AK5: variants seen among roughly 807,000 people sequenced by gnomAD.
AK5 encodes adenylate kinase 5, also known as adenylate kinase isoenzyme 5.
A neutral mutation model predicts 69.5 loss-of-function variants in AK5; 27 were observed. The observed-to-expected ratio is 0.39, with a 90% CI of 0.29 to 0.54. The LOEUF is 0.54. AK5 is among the 20% of genes least tolerant of loss of function. The pLI is 0.71. For missense variants in AK5, 531 were observed against 700.4 expected (o/e 0.76, Z 2.73); for synonymous variants, 260 against 244.4 (o/e 1.06, Z -0.60).
intron 12 of AK5, among the ~76,000 whole-genome samples, chr1:77,527,568 T>G (rs977740746): frequency 2.0e-5 from 3 of 152,238 alleles, no homozygotes; most frequent in African/African-American, 7.2e-5. Context: ...ACACATTTCA[T>G]TACTGAGCAT....
At chr1:77,322,437 G>A (rs1361886677) in intron 5 of AK5, among the ~76,000 whole-genome samples, 2 of 152,078 alleles carry the variant, frequency 1.3e-5, no homozygotes, top group Non-Finnish European at 2.9e-5. Context: ...TCCCTCTGGG[G>A]GTTGCTGAGT....
At chr1:77,480,989 C>T (rs1655219793) in intron 8 of AK5, among the ~76,000 whole-genome samples, 1 of 152,196 alleles carries the variant, frequency 6.6e-6, no homozygotes, top group Non-Finnish European at 1.5e-5. Flanking sequence ...ATCCTAACTT[C>T]AGCCTGAGAC....
At chr1:77,319,094 G>T (rs570458052) in intron 5 of AK5, among the ~76,000 whole-genome samples, 32 of 152,278 alleles carry the variant, frequency 2.1e-4, no homozygotes, top group Non-Finnish European at 4.6e-4. Context: ...CAAGGAGGAG[G>T]AGTAGTTACT....
At position 77,513,072 on chromosome 1, in the gene AK5, G is replaced by A. The variant is rs551449720; in HGVS notation, c.1148-5492G>A. ...ACGTGACTAGTAAGTGGTGGAACCA[G>A]TGTTGATTGTCAGATCACCCATCCC... is the stretch of plus-strand genomic sequence containing the variant. On this transcript the variant is annotated intron_variant, in intron 10 of 13. Coordinates refer to ENST00000354567, the MANE Select transcript of AK5 (RefSeq NM_174858.3). Among the ~76,000 whole-genome samples, 64 of 152,322 alleles carry A rather than the reference G, an allele frequency of 4.2e-4. 1 individual carries two copies. In the South Asian group the frequency reaches 0.013, roughly 31 times the overall value.
chr1:77,552,041 A>G (rs907081053), intron 13 of AK5, among the ~76,000 whole-genome samples: 1 of 152,170 alleles, frequency 6.6e-6, no homozygotes, highest in African/African-American at 2.4e-5. Context: ...ACCCAGTTTT[A>G]GCAAAGAACT....
At chr1:77,402,469 C>T (rs1355183402) in intron 6 of AK5, among the ~76,000 whole-genome samples, 8 of 139,876 alleles carry the variant, frequency 5.7e-5, no homozygotes, top group Admixed American at 2.2e-4. Flanking sequence ...CAACAGTCCC[C>T]GGTGTGTGAT....
intron 8 of AK5, among the ~76,000 whole-genome samples, chr1:77,421,323 A>G (rs1012251251): frequency 6.6e-6 from 1 of 152,232 alleles, no homozygotes; most frequent in Non-Finnish European, 1.5e-5. Flanking sequence ...ACTCAAGGTC[A>G]CATGGTTGGC....
intron 8 of AK5, among the ~76,000 whole-genome samples, chr1:77,467,806 A>G (rs1431604542): frequency 6.6e-6 from 1 of 152,188 alleles, no homozygotes; most frequent in Non-Finnish European, 1.5e-5. Context: ...TTCATACGGT[A>G]TATCTGAGAG....
chr1:77,313,633 A>T (rs1214546059), intron 5 of AK5, among the ~76,000 whole-genome samples: 1 of 151,884 alleles, frequency 6.6e-6, no homozygotes, highest in African/African-American at 2.4e-5. Flanking sequence ...TTATAAGGCG[A>T]TGGAGTCCAT....
chr1:77,360,328 GA>G (rs1463444777), intron 6 of AK5, among the ~76,000 whole-genome samples: 1 of 152,186 alleles, frequency 6.6e-6, no homozygotes, highest in Non-Finnish European at 1.5e-5. Flanking sequence ...TCCAGGGAGA[GA>G]AATGTCAACT....
intron 8 of AK5, among the ~76,000 whole-genome samples, chr1:77,481,403 T>C (rs942079195): frequency 1.3e-5 from 2 of 152,212 alleles, no homozygotes; most frequent in Admixed American, 6.5e-5. Flanking sequence ...GTTTTTTCTA[T>C]TCACAGAAGA....
In AK5 at chr1:77,367,877, A is replaced by ATTATATGTTATATATATTAT. The variant is rs369372295; in HGVS notation, c.891+27309_891+27310insTTATATGTTATATATATTAT. Among the ~76,000 whole-genome samples the ATTATATGTTATATATATTAT allele has an allele frequency of 1.3e-3, 18 of 14,204 alleles. 8 individuals carry two copies. Among genetic ancestry groups the ATTATATGTTATATATATTAT allele is most frequent in the Non-Finnish European group, 1.7e-3 (13 of 7,836 alleles). The allele number at this position is 14,204 out of a possible 152,430, so 9.3% of individuals were successfully genotyped here. A position where few individuals can be genotyped will look rare whatever the true frequency, so the allele number is the denominator to read the frequency against. On this transcript the variant is annotated intron_variant, in intron 6 of 13. Transcript: ENST00000354567. ...ATAATATATAATATATGTGATATAT[A>ATTATATGTTATATATATTAT]ATATAAAATATATGTGATATATATT... is the stretch of plus-strand genomic sequence containing the variant.
At position 77,373,493 on chromosome 1, in the gene AK5, G is replaced by A. The variant is rs1184902325; in HGVS notation, c.891+32925G>A. 5.3e-5 allele frequency among the ~76,000 whole-genome samples: 8 copies of A among 152,250 alleles called. No individual in the cohort carries two copies. In the South Asian group the frequency reaches 1.2e-3, roughly 24 times the overall value. On this transcript the variant is annotated intron_variant, in intron 6 of 13. Coordinates refer to ENST00000354567, the MANE Select transcript of AK5 (RefSeq NM_174858.3). ...TGTAATCCCAGCATTTTGGAAGGCC[G>A]AGGCGGGTGGATCACTTGAGGTCAG...
intron 8 of AK5, among the ~76,000 whole-genome samples, chr1:77,418,053 T>C (rs905149425): frequency 1.3e-5 from 2 of 152,206 alleles, no homozygotes; most frequent in Admixed American, 6.5e-5. Flanking sequence ...GAGCATCAGC[T>C]ACAGGTTCAG....
At position 77,293,814 on chromosome 1, in the gene AK5, T is replaced by G. The variant is rs765623838; in HGVS notation, c.269T>G (p.Phe90Cys). ...GCAGTAATGCCTGAAAACTCAAACT[T>G]TCCATATCGGCGGTATGACCGGCTC... ...LRNVMPENSN[F>C]PYRRYDRLPP... is the part of the protein sequence containing the mutation. The change falls in exon 3 of 14, where the codon TTT (phenylalanine) becomes TGT (cysteine). Residue 90 changes from phenylalanine (F) to cysteine (C), a missense_variant. Phe to Cys is a radical substitution (Grantham distance 205, BLOSUM62 -2). Coordinates refer to ENST00000354567, the MANE Select transcript of AK5 (RefSeq NM_174858.3). The G allele has an allele frequency of 2.5e-6, 4 of 1,602,974 alleles. No homozygotes were observed. In the Admixed American group the frequency reaches 7.0e-5, roughly 28 times the overall value.
At chr1:77,292,167 CAG>C (rs1181533798) in intron 2 of AK5, among the ~76,000 whole-genome samples, 9 of 152,200 alleles carry the variant, frequency 5.9e-5, no homozygotes, top group African/African-American at 2.2e-4. Context: ...AGTAGATGTG[CAG>C]AGAGAGGAAA....
chr1:77,456,094 C>T (rs1015750107), intron 8 of AK5, among the ~76,000 whole-genome samples: 1 of 152,178 alleles, frequency 6.6e-6, no homozygotes, highest in Non-Finnish European at 1.5e-5. Context: ...TTATTCAGCT[C>T]GGACTTTGTC....
chr1:77,453,821 C>A (rs1653309154), intron 8 of AK5, among the ~76,000 whole-genome samples: 1 of 152,200 alleles, frequency 6.6e-6, no homozygotes, highest in African/African-American at 2.4e-5. Context: ...TTATTAGCAA[C>A]AACGGTATAA....
At chr1:77,456,261 G>C (rs887674417) in intron 8 of AK5, among the ~76,000 whole-genome samples, 1 of 152,202 alleles carries the variant, frequency 6.6e-6, no homozygotes, top group Non-Finnish European at 1.5e-5. Context: ...ATTGAGCCCT[G>C]TGGCAGATTT....
Sources: allele counts gnomAD v4.1 joint callset (sites outside exome capture counted in the v4.1 genomes callset), GRCh38; gene constraint gnomAD v4.1.1; transcripts MANE v1.5; gene names NCBI Gene and HGNC (gene_info 2026-07-23, HGNC 2026-07-21).